The following TCF12 variants were observed in gnomAD, a reference collection of about 807,000 sequenced individuals.
The protein encoded by TCF12 is transcription factor 12, also known as DNA-binding protein HTF4.
A neutral mutation model predicts 86.0 loss-of-function variants in TCF12; 45 were observed. That is an observed-to-expected ratio of 0.52 (90% CI 0.41 to 0.67). The LOEUF (loss-of-function observed/expected upper bound fraction) is 0.67. Ranked by LOEUF, TCF12 falls within the 30% of genes least tolerant of loss-of-function variation. TCF12 has a pLI of 0.00. For missense variants in TCF12, 881 were observed against 859.9 expected (o/e 1.02, Z -0.31); for synonymous variants, 330 against 299.6 (o/e 1.10, Z -1.05).
At chr15:57,196,165 GA>G (rs59723460) in intron 7 of TCF12, among the ~76,000 whole-genome samples, 64,567 of 146,290 alleles carry the variant, frequency 0.44, 15,258 homozygotes, top group East Asian at 0.64. Context: ...ACCACAGATA[GA>G]AAAAAAAAAA....
In TCF12 at chr15:57,166,444, A is replaced by G; in HGVS notation, c.368A>G (p.Asp123Gly). 1.2e-6 allele frequency: 2 copies of G among 1,612,826 alleles called. No homozygotes were observed. The change falls in exon 6 of 21, where the codon GAT becomes GGT. Residue 123 changes from aspartate (D) to glycine (G), a missense_variant. This residue lies in a region of TCF12 where 766 missense variants were observed against 718.9 expected (regional missense o/e 1.07). Coordinates refer to ENST00000333725, the MANE Select transcript of TCF12 (RefSeq NM_207037.2). The stretch of plus-strand genomic sequence containing the variant: ...GGCTCATTTTCCCTGTACAGCAGAG[A>G]TACTGGATTACCAGGCTGTCAAGTA... Reference protein sequence around the residue: ...ERGSFSLYSRDTGLPGCQSSL... With the variant: ...ERGSFSLYSRGTGLPGCQSSL...
chr15:57,036,734 T>C (rs184954678), intron 3 of TCF12, among the ~76,000 whole-genome samples: 8 of 152,338 alleles, frequency 5.3e-5, no homozygotes, highest in Admixed American at 3.3e-4. Flanking sequence ...TTATAAAATA[T>C]TCTAAATACA....
At chr15:57,103,328 A>G (rs2049890042) in intron 5 of TCF12, among the ~76,000 whole-genome samples, 1 of 152,334 alleles carries the variant, frequency 6.6e-6, no homozygotes, top group East Asian at 1.9e-4. Flanking sequence ...TAGTATTTGA[A>G]GAATTTTCTG....
At chr15:56,957,936 A>G (rs2061566807) in intron 3 of TCF12, among the ~76,000 whole-genome samples, 1 of 152,132 alleles carries the variant, frequency 6.6e-6, no homozygotes, top group African/African-American at 2.4e-5. Context: ...ATTCTCCACT[A>G]CTGAGGAAAT....
rs889660721 is a variant in TCF12 at position 57,107,455 on chromosome 15, G to A, written c.325+15564G>A. Among the ~76,000 whole-genome samples the A allele has an allele frequency of 2.0e-5, 3 of 152,114 alleles. No homozygotes were observed. The East Asian group carries it at 5.8e-4, about 29-fold the overall frequency. ...GAAGGAGAGATGAATAGGAATTTTA[G>A]GGCAGTGAAACTACTCTGTATAAAA... On this transcript the variant is annotated intron_variant, in intron 5 of 20. Coordinates refer to ENST00000333725, the MANE Select transcript of TCF12 (RefSeq NM_207037.2).
rs1474242935 is a variant in TCF12, at chr15:57,263,282, T to C, written c.1745+8T>C. The C allele has an allele frequency of 1.4e-5, 23 of 1,599,498 alleles. No individual in the cohort carries two copies. The highest frequency in any genetic ancestry group is 2.0e-5 in the Non-Finnish European group (23 of 1,177,000). On this transcript the variant is annotated splice_region_variant and intron_variant, in intron 18 of 20. Transcript: ENST00000333725. ...ATCTAGAGGCAGAACAAGGTATTTG[T>C]TAGCATCCAGGTTTTAAATTTTATT...
chr15:57,078,631 C>A (rs201978061), intron 4 of TCF12, among the ~76,000 whole-genome samples: 2 of 128,636 alleles, frequency 1.6e-5, no homozygotes, highest in African/African-American at 3.3e-5. Flanking sequence ...ATTTTAATTT[C>A]TTTAATTTCA....
chr15:57,021,780 C>T (rs759615537), intron 3 of TCF12, among the ~76,000 whole-genome samples: 3 of 150,872 alleles, frequency 2.0e-5, no homozygotes, highest in African/African-American at 4.9e-5. Flanking sequence ...ATCGAAAATA[C>T]AGTGTTAATG....
chr15:56,981,011 G>T lies in TCF12; in HGVS notation c.148+59913G>T, dbSNP rs186107269. ...TTTCATAGATTTATTTAGGTTTAGA[G>T]CAGGAAGCCTCATATTTCTGCATTT... On this transcript the variant is annotated intron_variant, in intron 3 of 20. Transcript: ENST00000333725. Among the ~76,000 whole-genome samples, 544 of 152,238 alleles carry T rather than the reference G, an allele frequency of 3.6e-3. 4 individuals carry two copies. The highest frequency in any genetic ancestry group is 0.012 in the African/African-American group (518 of 41,534).
rs571831047 is a variant in TCF12 at position 57,079,186 on chromosome 15, C to T, written c.223-12603C>T. 1.6e-3 allele frequency among the ~76,000 whole-genome samples: 243 copies of T among 152,134 alleles called. 1 individual carries two copies. The highest frequency in any genetic ancestry group is 5.6e-3 in the African/African-American group (233 of 41,522). On this transcript the variant is annotated intron_variant, in intron 4 of 20. Transcript: ENST00000333725. ...TTACATGTATTAGCTGAAACTATTC[C>T]AATAAAGTAATGCCACTTAAACGTG...
chr15:56,987,658 T>G (rs1192058863), intron 3 of TCF12, among the ~76,000 whole-genome samples: 1 of 152,220 alleles, frequency 6.6e-6, no homozygotes, highest in Non-Finnish European at 1.5e-5. Context: ...AAAAGTTATT[T>G]TTACATTTTA....
chr15:57,048,242 G>A (rs540200123), intron 3 of TCF12, among the ~76,000 whole-genome samples: 4 of 150,764 alleles, frequency 2.7e-5, no homozygotes, highest in African/African-American at 9.9e-5. Context: ...AAGTTTTTTT[G>A]TTTGTTTGTT....
Position 57,262,138 on chromosome 15 carries a change from T to C in TCF12, c.1512T>C (p.His504=). 1 of 1,613,712 alleles carries C rather than the reference T, an allele frequency of 6.2e-7. No individual in the cohort carries two copies. Among genetic ancestry groups the C allele is most frequent in the East Asian group, 2.2e-5 (1 of 44,844 alleles). The part of the protein sequence containing the change: ...REDSVSLNGN[H]SVLSSTVTTS... ...ACTCTGTCAGTCTCAATGGCAATCA[T>C]TCAGTCCTGTCTAGTACAGTCACTA... The change falls in exon 17 of 21, where the codon CAT becomes CAC. Residue 504 remains histidine (H), a synonymous_variant. Coordinates refer to ENST00000333725, the MANE Select transcript of TCF12 (RefSeq NM_207037.2).
chr15:56,961,378 G>C (rs1333476065), intron 3 of TCF12, among the ~76,000 whole-genome samples: 8 of 152,150 alleles, frequency 5.3e-5, no homozygotes, highest in African/African-American at 1.9e-4. Flanking sequence ...GGATTAACAT[G>C]TCTGCTTTCC....
rs1435427726 is a variant in TCF12 at position 57,085,743 on chromosome 15, C to T, written c.223-6046C>T. ...ATTTATTCTTACTTTTTTAACTTTC[C>T]ATTTTATTAATATTTCACTTTGAAG... On this transcript the variant is annotated intron_variant, in intron 4 of 20. Coordinates refer to ENST00000333725, the MANE Select transcript of TCF12 (RefSeq NM_207037.2). Among the ~76,000 whole-genome samples, 5 of 152,148 alleles carry T rather than the reference C, an allele frequency of 3.3e-5. No homozygotes were observed. In the East Asian group the frequency reaches 9.6e-4, roughly 29 times the overall value.
chr15:57,242,182 A>C (rs1216906625), intron 12 of TCF12, among the ~76,000 whole-genome samples: 4 of 152,178 alleles, frequency 2.6e-5, no homozygotes. Flanking sequence ...AGTTTATTCA[A>C]AGCAAGGTCA....
chr15:57,218,100 G>T (rs2058408297), intron 8 of TCF12, among the ~76,000 whole-genome samples: 1 of 152,080 alleles, frequency 6.6e-6, no homozygotes, highest in South Asian at 2.1e-4. Flanking sequence ...ACTATAATTT[G>T]ATCAATATGT....
chr15:57,186,153 A>G (rs564891204), intron 6 of TCF12, among the ~76,000 whole-genome samples: 8 of 152,350 alleles, frequency 5.3e-5, no homozygotes, highest in African/African-American at 1.9e-4. Flanking sequence ...AAATCTGAAC[A>G]GAGCTAAAAC....
chr15:56,970,558 A>G (rs2062254151), intron 3 of TCF12, among the ~76,000 whole-genome samples: 1 of 152,026 alleles, frequency 6.6e-6, no homozygotes, highest in African/African-American at 2.4e-5. Flanking sequence ...ATCCCAATGT[A>G]AAAGAATGAA....
Sources: gnomAD v4.1 joint callset for allele counts (sites outside exome capture counted in the v4.1 genomes callset) on GRCh38, gnomAD v4.1.1 for gene constraint, gnomAD v4.1.1 regional missense constraint, MANE v1.5 for transcripts, NCBI Gene and HGNC (gene_info 2026-07-23, HGNC 2026-07-21) for gene names.